Variants in XPA observed in about 807,000 individuals in gnomAD.
XPA encodes DNA repair protein complementing XP-A cells.
Under a neutral mutation model 35.7 loss-of-function variants are expected in XPA, and 27 were observed. The observed-to-expected ratio is 0.76, with a 90% CI of 0.56 to 1.04. The LOEUF is 1.04. XPA is among the 50% of genes least tolerant of loss of function. The pLI, the probability that XPA is intolerant of heterozygous loss-of-function variation, is 0.00. For synonymous variants in XPA, 133 were observed against 118.4 expected (o/e 1.12, Z -0.80); for missense variants, 354 against 342.7 (o/e 1.03, Z -0.26).
chr9:97,681,396 C>T (rs1045684412), intron 5 of XPA, among the ~76,000 whole-genome samples: 1 of 152,116 alleles, frequency 6.6e-6, no homozygotes. Flanking sequence ...AACTGAGTCT[C>T]CCGAACTCTC....
At chr9:97,680,489 G>A (rs1204802397) in intron 5 of XPA, among the ~76,000 whole-genome samples, 1 of 152,158 alleles carries the variant, frequency 6.6e-6, no homozygotes, top group Non-Finnish European at 1.5e-5. Context: ...GATTACAGAA[G>A]TGTTGGGATT....
intron 5 of XPA, among the ~76,000 whole-genome samples, chr9:97,677,144 T>A (rs1225848143): frequency 1.3e-5 from 2 of 152,024 alleles, no homozygotes; most frequent in African/African-American, 4.8e-5. Flanking sequence ...TAAACTAACT[T>A]CTCTGCCTAA....
intron 5 of XPA, chr9:97,682,452 C>T (rs1256674754): frequency 3.9e-6 from 2 of 518,820 alleles, no homozygotes; most frequent in East Asian, 5.4e-5. Flanking sequence ...CAACAAGAAG[C>T]CATAATTAAA....
chr9:97,658,656 C>G, the XPA span: 1 of 1,610,946 alleles, frequency 6.2e-7, no homozygotes, highest in Non-Finnish European at 8.5e-7. Flanking sequence ...TTACCATCAG[C>G]GTATATTAGA....
intron 5 of XPA, 194 bp from the exon 6 acceptor site, chr9:97,675,781 C>G (rs772313002): frequency 4.5e-6 from 3 of 666,552 alleles, no homozygotes; most frequent in Non-Finnish European, 7.7e-6. Context: ...CTCACTAGTT[C>G]GGCCTGTGAA....
At chr9:97,665,192 T>C in the XPA span, among the ~76,000 whole-genome samples, 1 of 152,232 alleles carries the variant, frequency 6.6e-6, no homozygotes, top group Non-Finnish European at 1.5e-5. Flanking sequence ...GTTAGGGTGA[T>C]AGGGTGTGAT....
At chr9:97,692,749 G>A (rs566870840) in intron 2 of XPA, among the ~76,000 whole-genome samples, 1 of 152,162 alleles carries the variant, frequency 6.6e-6, no homozygotes, top group South Asian at 2.1e-4. Context: ...TCTACCATAA[G>A]CAAGAGTTGT....
intron 5 of XPA, among the ~76,000 whole-genome samples, chr9:97,679,590 T>C (rs1188686925): frequency 6.6e-6 from 1 of 152,076 alleles, no homozygotes; most frequent in Non-Finnish European, 1.5e-5. Context: ...AGCTCTTCTT[T>C]CCAAAAGCCA....
chr9:97,689,900 C>T (rs1393013540), intron 2 of XPA, among the ~76,000 whole-genome samples: 5 of 152,190 alleles, frequency 3.3e-5, no homozygotes, highest in African/African-American at 4.8e-5. Flanking sequence ...ATTAGTGCTA[C>T]ATTAGTTATA....
chr9:97,666,876 G>A, the XPA span: 10 of 1,586,228 alleles, frequency 6.3e-6, no homozygotes, highest in Admixed American at 1.8e-5. Context: ...CAACACAAAC[G>A]GGTAAGTTTT....
chr9:97,670,300 G>A (rs145557582), downstream of XPA, among the ~76,000 whole-genome samples: 1,928 of 152,272 alleles, frequency 0.013, 14 homozygotes, highest in Non-Finnish European at 0.019. Context: ...ACAGTAATTG[G>A]ATTTATAAGT....
chr9:97,678,036 T>A (rs1278262623), intron 5 of XPA, among the ~76,000 whole-genome samples: 1 of 152,200 alleles, frequency 6.6e-6, no homozygotes, highest in African/African-American at 2.4e-5. Context: ...GGTTTACATA[T>A]ATTTATAGAC....
chr9:97,668,018 C>T, the XPA span, among the ~76,000 whole-genome samples: 1 of 152,080 alleles, frequency 6.6e-6, no homozygotes, highest in Non-Finnish European at 1.5e-5. Flanking sequence ...CTGTGATATC[C>T]GAGAGCAGGG....
At chr9:97,658,439 C>T in the XPA span, among the ~76,000 whole-genome samples, 3 of 152,352 alleles carry the variant, frequency 2.0e-5, no homozygotes, top group Admixed American at 6.5e-5. Context: ...CACCTCAGTG[C>T]AAGCCAGTGA....
At chr9:97,663,605 C>T in the XPA span, among the ~76,000 whole-genome samples, 1 of 151,924 alleles carries the variant, frequency 6.6e-6, no homozygotes, top group African/African-American at 2.4e-5. Flanking sequence ...CTGCCTCAGC[C>T]TCCCGAGTAG....
the XPA span, chr9:97,660,985 T>C: frequency 2.5e-6 from 4 of 1,612,746 alleles, no homozygotes; most frequent in Non-Finnish European, 3.4e-6. Flanking sequence ...TGTTTAGCTG[T>C]TGCCTTTAAA....
chr9:97,696,917 A>C lies in XPA; in HGVS notation c.172+204T>G, dbSNP rs3176634. ...GGGGGTCAGGAGGCCCGCGTGCGAC[A>C]GAGGAACGCTCTGTGGTCGTGGACA... On this transcript the variant is annotated intron_variant, in intron 1 of 5. Coordinates refer to ENST00000375128, the MANE Select transcript of XPA (RefSeq NM_000380.4). Among the ~76,000 whole-genome samples, 18,208 of 152,182 alleles carry C rather than the reference A, an allele frequency of 0.12. 3,093 individuals are homozygous for C. The highest frequency in any genetic ancestry group is 0.37 in the African/African-American group (15,396 of 41,468).
chr9:97,670,145 A>C, downstream of XPA: 1 of 255,822 alleles, frequency 3.9e-6, no homozygotes, highest in Non-Finnish European at 7.8e-6. Context: ...CTAGTCTCAA[A>C]CTCCTGACCT....
downstream of XPA, among the ~76,000 whole-genome samples, chr9:97,674,505 C>G (rs944854461): frequency 2.0e-5 from 3 of 152,112 alleles, no homozygotes; most frequent in African/African-American, 7.2e-5. Context: ...TTGAAAATAT[C>G]AGGTTATTTT....
Sources: gnomAD v4.1 joint callset for allele counts (sites outside exome capture counted in the v4.1 genomes callset) on GRCh38, gnomAD v4.1.1 for gene constraint, MANE v1.5 for transcripts, NCBI Gene and HGNC (gene_info 2026-07-23, HGNC 2026-07-21) for gene names.